Variants in CCNY observed in about 807,000 individuals in gnomAD.
CCNY encodes cyclin Y, also known as cyclin-Y.
A neutral mutation model predicts 42.8 loss-of-function variants in CCNY; 19 were observed. That is an observed-to-expected ratio of 0.44 (90% CI 0.31 to 0.65). The LOEUF (loss-of-function observed/expected upper bound fraction) is 0.65. Among genes scored for constraint, CCNY ranks in the 30% least tolerant of loss-of-function variants. CCNY has a pLI of 0.07. For synonymous variants in CCNY, 165 were observed against 162.7 expected (o/e 1.01, Z -0.11); for missense variants, 370 against 437.3 (o/e 0.85, Z 1.37).
At chr10:35,501,407 A>G (rs1344502675) in intron 2 of CCNY, 94 bp from the exon 3 acceptor site, 1 of 1,002,338 alleles carries the variant, frequency 1.0e-6, no homozygotes, top group East Asian at 2.4e-5. Context: ...TGGTGGAAGG[A>G]CGGGACCACG....
intron 3 of CCNY, among the ~76,000 whole-genome samples, chr10:35,277,846 C>T (rs972132375): frequency 1.3e-5 from 2 of 152,118 alleles, no homozygotes; most frequent in Non-Finnish European, 2.9e-5. Context: ...GGGTTTGGGC[C>T]TGTGCACCCC....
chr10:35,403,376 TGATA>T (rs1837686376), intron 1 of CCNY, among the ~76,000 whole-genome samples: 1 of 152,050 alleles, frequency 6.6e-6, no homozygotes. Context: ...GGGAAGAGAT[TGATA>T]GATGGAAGTT....
Position 35,426,204 on chromosome 10 carries a change from TCA to T in CCNY, c.155-57197_155-57196del, listed in dbSNP as rs141278795. ...TCACACACAGGCACATGACCCATTCTCACAACCCATTCACAAGCATACATGCC... is the reference window on the plus strand; with the variant it reads ...TCACACACAGGCACATGACCCATTCTCAACCCATTCACAAGCATACATGCC... On this transcript the variant is annotated intron_variant, in intron 1 of 9. Transcript: ENST00000374704. Among the ~76,000 whole-genome samples the T allele has an allele frequency of 2.7e-5, 4 of 148,002 alleles. No homozygotes were observed. In the East Asian group the frequency reaches 7.9e-4, roughly 29 times the overall value.
upstream of CCNY, among the ~76,000 whole-genome samples, chr10:35,333,284 G>C (rs556974701): frequency 5.9e-5 from 9 of 152,252 alleles, no homozygotes; most frequent in African/African-American, 2.2e-4. Flanking sequence ...TTTGATTCCC[G>C]AGTGACACAG....
intron 2 of CCNY, among the ~76,000 whole-genome samples, chr10:35,488,367 C>T (rs1417471148): frequency 6.6e-6 from 1 of 152,184 alleles, no homozygotes; most frequent in African/African-American, 2.4e-5. Flanking sequence ...CTCCTCTTAT[C>T]TAGCATTTAG....
At chr10:35,426,240 CACACACACACACAA>C (rs1461110959) in intron 1 of CCNY, among the ~76,000 whole-genome samples, 1 of 151,684 alleles carries the variant, frequency 6.6e-6, no homozygotes, top group Non-Finnish European at 1.5e-5. Flanking sequence ...CCCATTCACA[CACACACACACACAA>C]ACACACAAAC....
chr10:35,360,024 G>C (rs893821038), intron 1 of CCNY, among the ~76,000 whole-genome samples: 4 of 152,216 alleles, frequency 2.6e-5, no homozygotes, highest in Admixed American at 1.3e-4. Flanking sequence ...TTGGACAGTT[G>C]AGTTGCTTCT....
At chr10:35,453,853 T>A (rs546488771) in intron 1 of CCNY, among the ~76,000 whole-genome samples, 6 of 152,172 alleles carry the variant, frequency 3.9e-5, no homozygotes, top group South Asian at 4.1e-4. Context: ...AAAAAAAAAA[T>A]TTATATTTGA....
At chr10:35,534,999 A>ATATGTGTGTGTGTG (rs375976167) in intron 7 of CCNY, among the ~76,000 whole-genome samples, 2 of 133,502 alleles carry the variant, frequency 1.5e-5, no homozygotes, top group Non-Finnish European at 3.2e-5. Context: ...ATCTATATAT[A>ATATGTGTGTGTGTG]TGTGTGTGTG....
intron 1 of CCNY, among the ~76,000 whole-genome samples, chr10:35,458,585 G>T (rs536213476): frequency 6.6e-6 from 1 of 152,276 alleles, no homozygotes; most frequent in African/African-American, 2.4e-5. Flanking sequence ...CAAAGGAGAC[G>T]GTCCCTTTCC....
intron 1 of CCNY, among the ~76,000 whole-genome samples, chr10:35,474,493 A>AC (rs1564425360): frequency 6.6e-6 from 1 of 151,972 alleles, no homozygotes; most frequent in East Asian, 1.9e-4. Flanking sequence ...CTGACCCCTG[A>AC]CCCCCGAGCA....
intron 7 of CCNY, among the ~76,000 whole-genome samples, chr10:35,545,871 A>G (rs1388571038): frequency 6.6e-6 from 1 of 152,238 alleles, no homozygotes; most frequent in Non-Finnish European, 1.5e-5. Flanking sequence ...GGTACAAAAA[A>G]GAATCCAAAT....
chr10:35,499,283 C>T (rs556744525), intron 2 of CCNY, among the ~76,000 whole-genome samples: 4 of 152,278 alleles, frequency 2.6e-5, no homozygotes, highest in East Asian at 1.9e-4. Context: ...ATCTCAGGCA[C>T]GTCTCACATC....
intron 1 of CCNY, among the ~76,000 whole-genome samples, chr10:35,387,417 GTGAGCTC>G (rs1837321678): frequency 6.6e-6 from 1 of 152,206 alleles, no homozygotes; most frequent in Non-Finnish European, 1.5e-5. Flanking sequence ...CTGGACAGTA[GTGAGCTC>G]TGGGCCGCCA....
rs369153085 is a variant in CCNY at position 35,356,462 on chromosome 10, C to T, written c.154+19255C>T. ...CCCAGCCCCCAATTCTCCATGACTC[C>T]GCGTGGGGGTAGCTGGTGTTGTAGC... is the stretch of plus-strand genomic sequence containing the variant. On this transcript the variant is annotated intron_variant, in intron 1 of 9. Coordinates refer to ENST00000374704, the MANE Select transcript of CCNY (RefSeq NM_145012.6). Among the ~76,000 whole-genome samples, 55 of 152,212 alleles carry T rather than the reference C, an allele frequency of 3.6e-4. 1 individual carries two copies. The highest frequency in any genetic ancestry group is 1.3e-3 in the African/African-American group (53 of 41,518).
intron 3 of CCNY, among the ~76,000 whole-genome samples, chr10:35,319,690 A>G (rs1185508046): frequency 6.6e-6 from 1 of 152,134 alleles, no homozygotes; most frequent in Non-Finnish European, 1.5e-5. Flanking sequence ...CCAGGCCAAC[A>G]TAGTGAAACC....
chr10:35,465,316 G>C (rs938126880), intron 1 of CCNY, among the ~76,000 whole-genome samples: 6 of 149,998 alleles, frequency 4.0e-5, no homozygotes, highest in Non-Finnish European at 8.9e-5. Context: ...TCCGAGCACC[G>C]ATAGTTTTAA....
chr10:35,384,867 A>G (rs1308969961), intron 1 of CCNY, among the ~76,000 whole-genome samples: 2 of 152,110 alleles, frequency 1.3e-5, no homozygotes, highest in Non-Finnish European at 2.9e-5. Context: ...TGGCTCCTCA[A>G]TTGATGCCTT....
chr10:35,430,332 G>A (rs1338938553), intron 1 of CCNY, among the ~76,000 whole-genome samples: 1 of 64,142 alleles, frequency 1.6e-5, no homozygotes, highest in Non-Finnish European at 2.6e-5. Context: ...GCGAGACTCC[G>A]TCTCAAAAAA....
Sources: gnomAD v4.1 joint callset for allele counts (sites outside exome capture counted in the v4.1 genomes callset) on GRCh38, gnomAD v4.1.1 for gene constraint, MANE v1.5 for transcripts, NCBI Gene and HGNC (gene_info 2026-07-23, HGNC 2026-07-21) for gene names.